Variants in SYNRG observed in about 807,000 individuals in gnomAD.
SYNRG encodes the protein synergin gamma.
In SYNRG, 37 loss-of-function variants were observed where a neutral mutation model predicts 130.9. That is an observed-to-expected ratio of 0.28 (90% CI 0.22 to 0.37). The LOEUF (loss-of-function observed/expected upper bound fraction) is 0.37, where lower values mean the gene tolerates loss of function less well. Among genes scored for constraint, SYNRG ranks in the 10% least tolerant of loss-of-function variants. The probability of loss-of-function intolerance (pLI) is 1.00; values close to 1 mark genes in which losing one functional copy is unlikely to be tolerated. For synonymous variants in SYNRG, 539 were observed against 568.1 expected, an observed-to-expected ratio of 0.95 and a Z score of 0.73; for missense variants, 1,338 against 1,588.9, an observed-to-expected ratio of 0.84 and a Z score of 2.68.
chr17:37,545,323 G>GA (rs2058184457), intron 14 of SYNRG, among the ~76,000 whole-genome samples: 1 of 151,802 alleles, frequency 6.6e-6, no homozygotes. Context: ...TTGAATAAGG[G>GA]AATCGGAGAT....
chr17:37,554,151 A>T (rs1598305127), intron 13 of SYNRG, 92 bp from the exon 14 acceptor site: 1 of 1,105,556 alleles, frequency 9.0e-7, no homozygotes, highest in East Asian at 2.6e-5. Flanking sequence ...AATTTTACTG[A>T]CTTTTCTCCA....
rs1323163014 is a variant in SYNRG at position 37,516,962 on chromosome 17, G to A, written c.*1978C>T. On this transcript the variant is annotated 3_prime_UTR_variant, in exon 22 of 22. Coordinates refer to ENST00000612223, the MANE Select transcript of SYNRG (RefSeq NM_007247.6). ...AGGCCAGGCGCAGTGGCTCACGCCT[G>A]TAATCCCGGTACTTTGGGAGGCTGA... 2 of 152,298 alleles carry A rather than the reference G, an allele frequency of 1.3e-5. No homozygotes were observed. The highest frequency in any genetic ancestry group is 2.9e-5 in the Non-Finnish European group (2 of 68,106). The allele number at this position is 152,298 out of a possible 1,614,324, so 9.4% of individuals were successfully genotyped here.
At chr17:37,538,729 A>G (rs752472024) in intron 17 of SYNRG, among the ~76,000 whole-genome samples, 2 of 152,076 alleles carry the variant, frequency 1.3e-5, no homozygotes, top group South Asian at 4.1e-4. Context: ...TGAGTAGCTG[A>G]GATTACAGGC....
At chr17:37,536,154 A>C (rs112417242) in intron 18 of SYNRG, 27 bp from the exon 19 acceptor site, 2 of 1,586,854 alleles carry the variant, frequency 1.3e-6, no homozygotes, top group Non-Finnish European at 1.7e-6. Context: ...GCAGAGAGAG[A>C]GTGTTGGCAG....
chr17:37,575,707 T>C (rs1409875448), intron 8 of SYNRG, among the ~76,000 whole-genome samples: 2 of 152,002 alleles, frequency 1.3e-5, no homozygotes, highest in Admixed American at 6.6e-5. Context: ...CTGGGTGTAG[T>C]GGCATGCGCC....
chr17:37,607,328 A>C (rs2063836122), intron 1 of SYNRG, among the ~76,000 whole-genome samples: 1 of 152,214 alleles, frequency 6.6e-6, no homozygotes, highest in Non-Finnish European at 1.5e-5. Context: ...TCTGAACCTG[A>C]GGTCCTCCCC....
At chr17:37,593,062 T>C (rs2062346476) in intron 3 of SYNRG, among the ~76,000 whole-genome samples, 1 of 152,282 alleles carries the variant, frequency 6.6e-6, no homozygotes, top group East Asian at 1.9e-4. Context: ...GTTTTCTTTT[T>C]ATGTGTTTTG....
chr17:37,607,977 A>AAAAAAAAAAAAC (rs1555802869), intron 1 of SYNRG, among the ~76,000 whole-genome samples: 2 of 121,602 alleles, frequency 1.6e-5, no homozygotes, highest in Non-Finnish European at 3.3e-5. Flanking sequence ...AAAAAAAAAA[A>AAAAAAAAAAAAC]AAACAAGACA....
Position 37,577,622 on chromosome 17 carries a change from A to AGAGCAT in SYNRG, c.590-15_590-10dup. The AGAGCAT allele has an allele frequency of 6.2e-7, 1 of 1,604,308 alleles. No individual in the cohort carries two copies. Among genetic ancestry groups the AGAGCAT allele is most frequent in the Non-Finnish European group, 8.5e-7 (1 of 1,171,544 alleles). ...CTCCTCCAAGGAAGGGCCTAAACAA[A>AGAGCAT]GAGCATGAAGGATTATTTGTATATA... On this transcript the variant is annotated splice_polypyrimidine_tract_variant and intron_variant, in intron 6 of 21. Transcript: ENST00000612223.
intron 19 of SYNRG, among the ~76,000 whole-genome samples, 168 bp from the exon 20 acceptor site, chr17:37,520,816 C>T (rs1381947698): frequency 1.3e-5 from 2 of 152,108 alleles, no homozygotes; most frequent in Non-Finnish European, 2.9e-5. Context: ...GCCACGGTTC[C>T]AGGTGCTAGG....
At chr17:37,549,655 A>C (rs1316007305) in intron 14 of SYNRG, among the ~76,000 whole-genome samples, 1 of 152,136 alleles carries the variant, frequency 6.6e-6, no homozygotes, top group Non-Finnish European at 1.5e-5. Flanking sequence ...CAGTGATGTG[A>C]TCACAGCTCA....
At chr17:37,596,484 G>A (rs1264048049) in intron 2 of SYNRG, 140 bp from the exon 3 acceptor site, 17 of 789,766 alleles carry the variant, frequency 2.2e-5, no homozygotes, top group African/African-American at 5.2e-5. Context: ...AGACAGATGT[G>A]AATATGAATT....
intron 11 of SYNRG, among the ~76,000 whole-genome samples, chr17:37,565,584 C>T (rs2059882572): frequency 6.6e-6 from 1 of 151,854 alleles, no homozygotes; most frequent in African/African-American, 2.4e-5. Flanking sequence ...GCCGCCATCC[C>T]ATCTAGGAAG....
chr17:37,515,918 A>G lies in SYNRG; in HGVS notation c.*3022T>C, dbSNP rs1326765134. The G allele has an allele frequency of 6.6e-6, 1 of 152,214 alleles. No homozygotes were observed. The highest frequency in any genetic ancestry group is 1.5e-5 in the Non-Finnish European group (1 of 68,034). 9.4% of individuals were successfully genotyped at this position (152,214 alleles called of 1,614,324 possible). ...CCCCCCCAAAACCCTTCAAATATGTATATGTACACAAAATATTCAAATAAT... is the reference window on the plus strand; with the variant it reads ...CCCCCCCAAAACCCTTCAAATATGTGTATGTACACAAAATATTCAAATAAT... On this transcript the variant is annotated 3_prime_UTR_variant, in exon 22 of 22. Transcript: ENST00000612223.
chr17:37,581,293 T>TATG (rs2061315778), intron 6 of SYNRG, among the ~76,000 whole-genome samples: 1 of 151,730 alleles, frequency 6.6e-6, no homozygotes, highest in South Asian at 2.1e-4. Context: ...TTATTATTAT[T>TATG]ATGATACTGG....
chr17:37,541,723 A>T, intron 15 of SYNRG: 1 of 558,666 alleles, frequency 1.8e-6, no homozygotes, highest in Non-Finnish European at 3.2e-6. Flanking sequence ...CTCTAACCAA[A>T]CGAGCTAATG....
chr17:37,534,902 T>TAA (rs11424643), intron 19 of SYNRG, among the ~76,000 whole-genome samples: 6 of 150,112 alleles, frequency 4.0e-5, no homozygotes, highest in South Asian at 2.1e-4. Flanking sequence ...AGTTCCATGT[T>TAA]AAAAAAAAAA....
intron 19 of SYNRG, among the ~76,000 whole-genome samples, chr17:37,528,627 C>A (rs1489336206): frequency 6.6e-6 from 1 of 152,176 alleles, no homozygotes; most frequent in Non-Finnish European, 1.5e-5. Context: ...GATTTCTCCA[C>A]TTTGAGCGTC....
chr17:37,531,417 T>C (rs2059770279), intron 19 of SYNRG, among the ~76,000 whole-genome samples: 1 of 151,958 alleles, frequency 6.6e-6, no homozygotes, highest in Admixed American at 6.6e-5. Flanking sequence ...TTTTCCATTA[T>C]AAATGCAACA....
Sources: allele counts gnomAD v4.1 joint callset (sites outside exome capture counted in the v4.1 genomes callset), GRCh38; gene constraint gnomAD v4.1.1; transcripts MANE v1.5; gene names NCBI Gene and HGNC (gene_info 2026-07-23, HGNC 2026-07-21).